The following ZMYND11 variants were observed in gnomAD, a reference collection of about 807,000 sequenced individuals.
The protein encoded by ZMYND11 is zinc finger MYND domain-containing protein 11.
Under a neutral mutation model 84.9 loss-of-function variants are expected in ZMYND11, and 9 were observed. That is an observed-to-expected ratio of 0.11 (90% CI 0.06 to 0.18). The LOEUF (loss-of-function observed/expected upper bound fraction) is 0.18, where lower values mean the gene tolerates loss of function less well. Among genes scored for constraint, ZMYND11 ranks in the 10% least tolerant of loss-of-function variants. The pLI is 1.00. For synonymous variants in ZMYND11, 250 were observed against 244.1 expected, an observed-to-expected ratio of 1.02 and a Z score of -0.23; for missense variants, 409 against 761.0, an observed-to-expected ratio of 0.54 and a Z score of 5.44.
At chr10:177,380 G>T (rs1457941788) in intron 1 of ZMYND11, among the ~76,000 whole-genome samples, 1 of 151,970 alleles carries the variant, frequency 6.6e-6, no homozygotes, top group Admixed American at 6.6e-5. Context: ...TCCTTATAGT[G>T]TACCTGTATT....
intron 1 of ZMYND11, among the ~76,000 whole-genome samples, chr10:170,675 G>A (rs1472261267): frequency 1.3e-5 from 2 of 152,070 alleles, no homozygotes; most frequent in African/African-American, 4.8e-5. Context: ...ACTACAAATA[G>A]TAAAGCAAGA....
intron 1 of ZMYND11, among the ~76,000 whole-genome samples, chr10:169,734 A>T (rs1844837055): frequency 6.6e-6 from 1 of 152,128 alleles, no homozygotes; most frequent in Non-Finnish European, 1.5e-5. Flanking sequence ...AAATCTTCAG[A>T]ACTGAAAAGC....
intron 4 of ZMYND11, among the ~76,000 whole-genome samples, chr10:233,074 GGAA>G (rs1415146980): frequency 3.3e-5 from 5 of 152,214 alleles, no homozygotes; most frequent in Non-Finnish European, 7.3e-5. Context: ...AGGTCTCTTA[GGAA>G]GTTGGTGCAG....
chr10:130,447 G>A (rs374800145), upstream of ZMYND11, among the ~76,000 whole-genome samples: 22 of 152,226 alleles, frequency 1.4e-4, 1 homozygote, highest in South Asian at 3.9e-3. Context: ...TATTTGGCCC[G>A]TTTAATATTC....
At chr10:236,561 AAATT>A (rs1227586550) in intron 4 of ZMYND11, among the ~76,000 whole-genome samples, 1 of 152,236 alleles carries the variant, frequency 6.6e-6, no homozygotes, top group East Asian at 1.9e-4. Context: ...GTTTATCTAA[AAATT>A]AAGTTTTAAA....
intron 2 of ZMYND11, among the ~76,000 whole-genome samples, chr10:191,492 C>A (rs1940378714): frequency 6.6e-6 from 1 of 152,140 alleles, no homozygotes; most frequent in Non-Finnish European, 1.5e-5. Flanking sequence ...AATTATTTAT[C>A]CCAGGTCACG....
chr10:241,463 C>G (rs551387896), intron 9 of ZMYND11, among the ~76,000 whole-genome samples: 77 of 152,340 alleles, frequency 5.1e-4, no homozygotes, highest in Admixed American at 2.5e-3. Flanking sequence ...CAGGCATGAG[C>G]CACCACACCC....
At chr10:193,040 A>G in intron 2 of ZMYND11, among the ~76,000 whole-genome samples, 1 of 152,312 alleles carries the variant, frequency 6.6e-6, no homozygotes, top group East Asian at 1.9e-4. Context: ...TTAAGTTTTG[A>G]AATGATTGTA....
chr10:136,259 G>C (rs1836022944), intron 1 of ZMYND11, among the ~76,000 whole-genome samples: 1 of 152,188 alleles, frequency 6.6e-6, no homozygotes, highest in Admixed American at 6.5e-5. Context: ...CCGGGACCCG[G>C]ACTTTCACTT....
rs200268452 is a variant in ZMYND11, at chr10:209,870, G to C, written c.117-19G>C. On this transcript the variant is annotated intron_variant, in intron 2 of 14. Coordinates refer to ENST00000381604, the MANE Select transcript of ZMYND11 (RefSeq NM_001370100.5). Reference sequence around the variant, plus strand: ...TCAGTACTGAAAGATTTTTAAATTTGTTTTTCCTCTGTGTTCAGGTATATG... The same window carrying C: ...TCAGTACTGAAAGATTTTTAAATTTCTTTTTCCTCTGTGTTCAGGTATATG... 2 of 1,574,408 alleles carry C rather than the reference G, an allele frequency of 1.3e-6. No individual in the cohort carries two copies. Among genetic ancestry groups the C allele is most frequent in the Middle Eastern group, 1.7e-4 (1 of 5,884 alleles).
At chr10:149,285 GTTATTATTATTATTA>G (rs61508487) in intron 1 of ZMYND11, among the ~76,000 whole-genome samples, 29 of 139,316 alleles carry the variant, frequency 2.1e-4, no homozygotes, top group Middle Eastern at 7.2e-3. Flanking sequence ...TGAGGTGGTT[GTTATTATTATTATTA>G]TTATTATTAT....
At chr10:174,569 G>A (rs367868299) in intron 1 of ZMYND11, among the ~76,000 whole-genome samples, 3 of 151,928 alleles carry the variant, frequency 2.0e-5, no homozygotes, top group Non-Finnish European at 2.9e-5. Context: ...CATTACAGTG[G>A]CACATGCTTG....
intron 4 of ZMYND11, among the ~76,000 whole-genome samples, chr10:233,660 TACTC>T (rs1397311656): frequency 1.3e-5 from 2 of 152,192 alleles, no homozygotes; most frequent in East Asian, 1.9e-4. Context: ...TTTCATGCTT[TACTC>T]ACTCATTTTT....
At chr10:160,812 G>A (rs1294630703) in intron 1 of ZMYND11, among the ~76,000 whole-genome samples, 3 of 152,018 alleles carry the variant, frequency 2.0e-5, no homozygotes, top group African/African-American at 4.8e-5. Context: ...CTTCATGCTC[G>A]ACTTCTAATT....
At chr10:171,403 T>C (rs1203308532) in intron 1 of ZMYND11, among the ~76,000 whole-genome samples, 1 of 152,140 alleles carries the variant, frequency 6.6e-6, no homozygotes, top group Non-Finnish European at 1.5e-5. Context: ...TTCACCAACA[T>C]AGACCACATT....
intron 1 of ZMYND11, among the ~76,000 whole-genome samples, chr10:178,912 G>A (rs540604549): frequency 1.3e-5 from 2 of 152,256 alleles, no homozygotes; most frequent in South Asian, 4.1e-4. Context: ...AAACACAGAG[G>A]TAGAGAAAAA....
At chr10:238,167 G>C (rs1458172179) in intron 6 of ZMYND11, among the ~76,000 whole-genome samples, 2 of 152,152 alleles carry the variant, frequency 1.3e-5, no homozygotes, top group Non-Finnish European at 2.9e-5. Flanking sequence ...GCTGAGGATT[G>C]TTAGTTTGTT....
At chr10:189,270 A>G (rs1401571425) in intron 2 of ZMYND11, among the ~76,000 whole-genome samples, 3 of 152,196 alleles carry the variant, frequency 2.0e-5, no homozygotes, top group African/African-American at 4.8e-5. Flanking sequence ...CTAGGTACAC[A>G]TTATTTCTTT....
At chr10:179,054 C>G (rs1361728272) in intron 1 of ZMYND11, among the ~76,000 whole-genome samples, 2 of 152,110 alleles carry the variant, frequency 1.3e-5, no homozygotes, top group African/African-American at 4.8e-5. Context: ...TTAATGTTCA[C>G]TGTATATTTA....
Sources: gnomAD v4.1 joint callset for allele counts (sites outside exome capture counted in the v4.1 genomes callset) on GRCh38, gnomAD v4.1.1 for gene constraint, MANE v1.5 for transcripts, NCBI Gene and HGNC (gene_info 2026-07-23, HGNC 2026-07-21) for gene names.